HTR2C: variants seen among roughly 807,000 people sequenced by gnomAD.
HTR2C encodes the protein 5-hydroxytryptamine (serotonin) receptor 2C, G protein-coupled.
HTR2C carries 5 observed loss-of-function variants against 21.0 expected under a neutral mutation model. The ratio of observed to expected loss-of-function variants is 0.24; its 90% CI spans 0.12 to 0.50. The LOEUF (loss-of-function observed/expected upper bound fraction) is 0.50. Among genes scored for constraint, HTR2C ranks in the 20% least tolerant of loss-of-function variants. The pLI is 0.98. For synonymous variants in HTR2C, 150 were observed against 145.3 expected (o/e 1.03, Z -0.23); for missense variants, 271 against 371.2 (o/e 0.73, Z 2.22).
intron 5 of HTR2C, among the ~76,000 whole-genome samples, chrX:114,859,570 C>T (rs1252104997): frequency 9.0e-6 from 1 of 110,625 alleles, no homozygotes; most frequent in African/African-American, 3.3e-5. Flanking sequence ...GAATGGTTAT[C>T]TCTGTTTTCT....
intron 2 of HTR2C, among the ~76,000 whole-genome samples, chrX:114,713,220 T>G (rs1423487998): frequency 1.8e-5 from 2 of 111,494 alleles, no homozygotes; most frequent in African/African-American, 6.5e-5. Flanking sequence ...TTTCCCATTC[T>G]CTTCGTTGAA....
chrX:114,874,138 TTGTG>T (rs34475522), intron 5 of HTR2C, among the ~76,000 whole-genome samples: 2 of 105,844 alleles, frequency 1.9e-5, no homozygotes, highest in Non-Finnish European at 1.9e-5. Flanking sequence ...AATAATTCTC[TTGTG>T]TGTGTGTGTG....
intron 5 of HTR2C, among the ~76,000 whole-genome samples, chrX:114,893,542 A>C (rs782559876): frequency 8.9e-6 from 1 of 111,914 alleles, no homozygotes; most frequent in Non-Finnish European, 1.9e-5. Context: ...AGTATATACA[A>C]AATTACCTTA....
rs1462413249 is a variant in HTR2C, at chrX:114,806,711, TATAG to T, written c.350-41288_350-41285del. Among the ~76,000 whole-genome samples, 6 of 94,596 alleles carry T rather than the reference TATAG, an allele frequency of 6.3e-5. No homozygotes were observed. In the South Asian group the frequency reaches 2.0e-3, roughly 31 times the overall value. 82.1% of individuals were successfully genotyped at this position (94,596 alleles called of 115,157 possible). ...ATATATACACCATATATACACACCA[TATAG>T]ATATATACACCATATATATACACAC... On this transcript the variant is annotated intron_variant, in intron 4 of 5. Coordinates refer to ENST00000276198, the MANE Select transcript of HTR2C (RefSeq NM_000868.4).
chrX:114,835,136 A>G (rs2070769266), intron 4 of HTR2C, among the ~76,000 whole-genome samples: 1 of 100,242 alleles, frequency 1.0e-5, no homozygotes, highest in East Asian at 3.2e-4. Context: ...GCTGCCCTTA[A>G]CATTTTTTCC....
intron 2 of HTR2C, among the ~76,000 whole-genome samples, chrX:114,619,849 GTTAA>G (rs1471747021): frequency 9.0e-6 from 1 of 111,517 alleles, no homozygotes; most frequent in African/African-American, 3.3e-5. Flanking sequence ...TCCACTAGAT[GTTAA>G]TTAACTCCAT....
At chrX:114,605,246 C>T (rs1191128984) in intron 1 of HTR2C, among the ~76,000 whole-genome samples, 91 of 112,229 alleles carry the variant, frequency 8.1e-4, no homozygotes, top group Non-Finnish European at 1.3e-3. Flanking sequence ...AGTCATGGAA[C>T]GAAACTGTAA....
At chrX:114,905,554 T>G (rs1479626540) in intron 5 of HTR2C, among the ~76,000 whole-genome samples, 3 of 111,722 alleles carry the variant, frequency 2.7e-5, no homozygotes, top group African/African-American at 9.8e-5. Flanking sequence ...TTCTGTCTCC[T>G]CTCACAGTTC....
At chrX:114,694,557 C>T (rs1256801210) in intron 2 of HTR2C, among the ~76,000 whole-genome samples, 5 of 93,462 alleles carry the variant, frequency 5.3e-5, no homozygotes, top group African/African-American at 1.6e-4. Flanking sequence ...GGTACAATCT[C>T]GGCTTACTGC....
chrX:114,841,698 G>A (rs1399117564), intron 4 of HTR2C, among the ~76,000 whole-genome samples: 2 of 107,476 alleles, frequency 1.9e-5, no homozygotes, highest in Non-Finnish European at 3.8e-5. Context: ...GGGAGATTGC[G>A]CCACTGCACT....
intron 4 of HTR2C, among the ~76,000 whole-genome samples, chrX:114,749,341 G>A (rs1281416769): frequency 9.5e-6 from 1 of 105,561 alleles, no homozygotes; most frequent in Non-Finnish European, 1.9e-5. Flanking sequence ...CCAGCTACTT[G>A]GAGGCTGAGG....
chrX:114,804,745 T>A (rs1355397165), intron 4 of HTR2C, among the ~76,000 whole-genome samples: 1 of 111,495 alleles, frequency 9.0e-6, no homozygotes, highest in African/African-American at 3.3e-5. Flanking sequence ...AGGGACTTGT[T>A]ACAGGGACAT....
intron 4 of HTR2C, among the ~76,000 whole-genome samples, chrX:114,787,165 A>G (rs1345511382): frequency 8.9e-6 from 1 of 112,057 alleles, no homozygotes; most frequent in Non-Finnish European, 1.9e-5. Context: ...TATATCCTGA[A>G]TAAGAAGGAG....
intron 5 of HTR2C, among the ~76,000 whole-genome samples, chrX:114,880,940 A>C (rs1490018221): frequency 9.0e-6 from 1 of 110,885 alleles, no homozygotes; most frequent in African/African-American, 3.3e-5. Context: ...ATAACTAGAG[A>C]ATTTCTGGGT....
chrX:114,766,130 A>C (rs1290090710), intron 4 of HTR2C, among the ~76,000 whole-genome samples: 1 of 111,685 alleles, frequency 9.0e-6, no homozygotes, highest in East Asian at 2.8e-4. Flanking sequence ...CTGGAATAAG[A>C]GCTTGAACTA....
chrX:114,674,213 A>G (rs1556412201), intron 2 of HTR2C, among the ~76,000 whole-genome samples: 1 of 112,245 alleles, frequency 8.9e-6, no homozygotes, highest in Non-Finnish European at 1.9e-5. Context: ...GTTTTCTAGG[A>G]TATTCTCCTG....
chrX:114,642,528 C>T (rs141699920), intron 2 of HTR2C, among the ~76,000 whole-genome samples: 1,284 of 111,873 alleles, frequency 0.011, 16 homozygotes, highest in African/African-American at 0.04. Context: ...AAAACTTAAG[C>T]AAATATTTTA....
At chrX:114,807,473 CAT>C (rs1167753176) in intron 4 of HTR2C, among the ~76,000 whole-genome samples, 4 of 92,088 alleles carry the variant, frequency 4.3e-5, no homozygotes, top group Non-Finnish European at 8.5e-5. Context: ...ATATATATAC[CAT>C]ATATATACAT....
rs1569503455 is a variant in HTR2C, at chrX:114,905,756, T to A, written c.551-833T>A. ...CCTACTGTGGTTATTTCTGAAAGCTTCCAGATATCTTACTTATGCTCAGGC... is the reference window on the plus strand; with the variant it reads ...CCTACTGTGGTTATTTCTGAAAGCTACCAGATATCTTACTTATGCTCAGGC... On this transcript the variant is annotated intron_variant, in intron 5 of 5. Transcript: ENST00000276198. 5.4e-5 allele frequency among the ~76,000 whole-genome samples: 6 copies of A among 111,907 alleles called. No individual in the cohort carries two copies. The South Asian group carries it at 1.9e-3, about 35-fold the overall frequency.
Sources: allele counts gnomAD v4.1 joint callset (sites outside exome capture counted in the v4.1 genomes callset), GRCh38; gene constraint gnomAD v4.1.1; transcripts MANE v1.5; gene names NCBI Gene and HGNC (gene_info 2026-07-23, HGNC 2026-07-21).